ST6GALNAC5: variants seen among roughly 807,000 people sequenced by gnomAD.
The protein encoded by ST6GALNAC5 is ST6 N-acetylgalactosaminide alpha-2,6-sialyltransferase 5.
In ST6GALNAC5, 27 loss-of-function variants were observed where a neutral mutation model predicts 33.6. The ratio of observed to expected loss-of-function variants is 0.80; its 90% confidence interval spans 0.59 to 1.11. ST6GALNAC5 has a LOEUF of 1.11. Ranked by LOEUF, ST6GALNAC5 falls within the 50% of genes least tolerant of loss-of-function variation. ST6GALNAC5 has a pLI of 0.00. For missense variants in ST6GALNAC5, 428 were observed against 454.0 expected, an observed-to-expected ratio of 0.94 and a Z score of 0.52; for synonymous variants, 194 against 171.2, an observed-to-expected ratio of 1.13 and a Z score of -1.04.
At chr1:77,033,834 C>T (rs1651551968) in intron 2 of ST6GALNAC5, among the ~76,000 whole-genome samples, 1 of 152,042 alleles carries the variant, frequency 6.6e-6, no homozygotes, top group South Asian at 2.1e-4. Flanking sequence ...TGAGTGAGGG[C>T]CATGAGGCAG....
intron 2 of ST6GALNAC5, among the ~76,000 whole-genome samples, chr1:76,977,677 G>A (rs1292643264): frequency 1.3e-5 from 2 of 152,130 alleles, no homozygotes; most frequent in Admixed American, 6.6e-5. Context: ...GCATTCCATT[G>A]TAAACTATTC....
chr1:76,935,655 T>C (rs1049840483), intron 2 of ST6GALNAC5, among the ~76,000 whole-genome samples: 1 of 151,980 alleles, frequency 6.6e-6, no homozygotes, highest in African/African-American at 2.4e-5. Flanking sequence ...AAGGGGAAAT[T>C]GCCCAGTTTT....
chr1:76,918,463 C>G (rs933008923), intron 2 of ST6GALNAC5, among the ~76,000 whole-genome samples: 1 of 151,686 alleles, frequency 6.6e-6, no homozygotes, highest in African/African-American at 2.4e-5. Flanking sequence ...AATAAAAATA[C>G]AAAAATTAGC....
intron 2 of ST6GALNAC5, among the ~76,000 whole-genome samples, chr1:77,033,794 G>A (rs575577471): frequency 3.3e-4 from 51 of 152,286 alleles, no homozygotes; most frequent in Non-Finnish European, 5.1e-4. Context: ...CAGCCAGGCC[G>A]GAGAATAGAG....
chr1:77,003,217 G>C (rs1157868448), intron 2 of ST6GALNAC5, among the ~76,000 whole-genome samples: 1 of 54,980 alleles, frequency 1.8e-5, no homozygotes, highest in African/African-American at 4.5e-5. Flanking sequence ...AGCTCTTCTT[G>C]TTGAATTGAT....
intron 2 of ST6GALNAC5, among the ~76,000 whole-genome samples, chr1:77,010,401 A>T: frequency 6.6e-6 from 1 of 152,200 alleles, no homozygotes; most frequent in East Asian, 1.9e-4. Flanking sequence ...GGGCTGAGGC[A>T]GGAGAATTGC....
rs1395826438 is a variant in ST6GALNAC5, at chr1:76,998,963, A to AT, written c.262-45235dup. On this transcript the variant is annotated intron_variant, in intron 2 of 4. Coordinates refer to ENST00000477717, the MANE Select transcript of ST6GALNAC5 (RefSeq NM_030965.3). ...TATTTTAGAATCATTTCCATGCAAC[A>AT]TTTTTTCATTATTACTAAGATCTGG... 5.3e-5 allele frequency among the ~76,000 whole-genome samples: 8 copies of AT among 152,250 alleles called. No individual in the cohort carries two copies. The East Asian group carries it at 1.4e-3, about 26-fold the overall frequency.
At chr1:77,018,952 G>A (rs982030929) in intron 2 of ST6GALNAC5, among the ~76,000 whole-genome samples, 5 of 152,186 alleles carry the variant, frequency 3.3e-5, no homozygotes, top group Admixed American at 2.6e-4. Flanking sequence ...AGAGACAGGG[G>A]CTGAGAAGGG....
chr1:77,044,572 G>C lies in ST6GALNAC5; in HGVS notation c.630G>C (p.Leu210=), dbSNP rs757437403. The part of the protein sequence containing the change: ...KAFMITRHKM[L]QFDELFKQET... The stretch of plus-strand genomic sequence containing the variant: ...TCATGATTACTCGCCACAAGATGCT[G>C]CAGTTTGATGAGCTCTTCAAGCAGG... Residue 210 remains leucine (L), a synonymous_variant, in exon 3 of 5, where the codon CTG becomes CTC. Coordinates refer to ENST00000477717, the MANE Select transcript of ST6GALNAC5 (RefSeq NM_030965.3). 1 of 1,581,928 alleles carries C rather than the reference G, an allele frequency of 6.3e-7. No individual in the cohort carries two copies. The highest frequency in any genetic ancestry group is 8.6e-7 in the Non-Finnish European group (1 of 1,161,980).
At chr1:76,877,066 A>G (rs1242904887) in intron 2 of ST6GALNAC5, among the ~76,000 whole-genome samples, 2 of 152,210 alleles carry the variant, frequency 1.3e-5, no homozygotes, top group Admixed American at 6.5e-5. Context: ...ATGGGCCAGA[A>G]AACACTCAGT....
chr1:77,065,464 A>G lies in ST6GALNAC5; in HGVS notation c.*2258A>G, dbSNP rs1340388306. 2.6e-5 allele frequency: 4 copies of G among 152,220 alleles called. No homozygotes were observed. Among genetic ancestry groups the G allele is most frequent in the African/African-American group, 7.2e-5 (3 of 41,456 alleles). 9.4% of individuals were successfully genotyped at this position (152,220 alleles called of 1,614,324 possible). On this transcript the variant is annotated 3_prime_UTR_variant, in exon 5 of 5. Coordinates refer to ENST00000477717, the MANE Select transcript of ST6GALNAC5 (RefSeq NM_030965.3). ...CAGAAAATCATGGCTTCACTGGGAA[A>G]TGTTTTAAATCTACATGTAGCTAGG...
At chr1:76,901,975 AT>A (rs1253369277) in intron 2 of ST6GALNAC5, among the ~76,000 whole-genome samples, 1 of 152,050 alleles carries the variant, frequency 6.6e-6, no homozygotes, top group Non-Finnish European at 1.5e-5. Flanking sequence ...CCTTTTACAT[AT>A]TTTTCCTCTG....
At position 77,063,281 on chromosome 1, in the gene ST6GALNAC5, C is replaced by T. The variant is rs968637552; in HGVS notation, c.*75C>T. Reference sequence around the variant, plus strand: ...CGAGACACTGAACTTCCTGAGCCACCAGACAGGAAAGGGTAGCAGAAAACA... The same window carrying T: ...CGAGACACTGAACTTCCTGAGCCACTAGACAGGAAAGGGTAGCAGAAAACA... On this transcript the variant is annotated 3_prime_UTR_variant, in exon 5 of 5. Transcript: ENST00000477717. The T allele has an allele frequency of 9.5e-6, 13 of 1,373,638 alleles. No homozygotes were observed. Among genetic ancestry groups the T allele is most frequent in the Non-Finnish European group, 1.3e-5 (13 of 979,224 alleles). 85.1% of individuals were successfully genotyped at this position (1,373,638 alleles called of 1,614,324 possible). A position where few individuals can be genotyped will look rare whatever the true frequency, so the allele number is the denominator to read the frequency against.
intron 4 of ST6GALNAC5, among the ~76,000 whole-genome samples, chr1:77,054,221 C>G (rs534978286): frequency 1.1e-4 from 17 of 152,278 alleles, no homozygotes; most frequent in Non-Finnish European, 1.6e-4. Context: ...AGAAGATGTT[C>G]ACTCTCTGCC....
rs749726000 is a variant in ST6GALNAC5 at position 77,044,354 on chromosome 1, C to T, written c.412C>T (p.Arg138Cys). The change falls in exon 3 of 5, where the codon CGC (arginine) becomes TGC (cysteine). Residue 138 changes from arginine to cysteine, a missense_variant. Coordinates refer to ENST00000477717, the MANE Select transcript of ST6GALNAC5 (RefSeq NM_030965.3). The part of the protein sequence containing the change: ...TRGYGRDVGN[R>C]TSLRVIAHSS... ...CGGCTATGGGCGTGACGTGGGCAAT[C>T]GCACCAGCCTGAGGGTCATCGCGCA... 9 of 1,613,832 alleles carry T rather than the reference C, an allele frequency of 5.6e-6. No individual in the cohort carries two copies. Among genetic ancestry groups the T allele is most frequent in the African/African-American group, 1.3e-5 (1 of 74,934 alleles).
intron 2 of ST6GALNAC5, among the ~76,000 whole-genome samples, chr1:76,901,013 T>C (rs749078897): frequency 2.0e-5 from 3 of 152,206 alleles, no homozygotes; most frequent in Non-Finnish European, 2.9e-5. Context: ...TAAGTAAATA[T>C]TTTATATAGT....
At chr1:76,923,699 A>G (rs1272557329) in intron 2 of ST6GALNAC5, among the ~76,000 whole-genome samples, 1 of 152,120 alleles carries the variant, frequency 6.6e-6, no homozygotes, top group African/African-American at 2.4e-5. Context: ...TCTCAAAGAA[A>G]CAAAACAAAA....
At chr1:76,886,241 T>G (rs768603172) in intron 2 of ST6GALNAC5, among the ~76,000 whole-genome samples, 13 of 152,250 alleles carry the variant, frequency 8.5e-5, no homozygotes, top group Admixed American at 1.3e-4. Flanking sequence ...TCTAGTTTTA[T>G]AAAACATTTT....
At chr1:77,061,568 C>T (rs1343492998) in intron 4 of ST6GALNAC5, among the ~76,000 whole-genome samples, 1 of 152,170 alleles carries the variant, frequency 6.6e-6, no homozygotes, top group East Asian at 1.9e-4. Context: ...TGCTGGGAAG[C>T]CTGGGCCTTT....
Sources: allele counts gnomAD v4.1 joint callset (sites outside exome capture counted in the v4.1 genomes callset), GRCh38; gene constraint gnomAD v4.1.1; transcripts MANE v1.5; gene names NCBI Gene and HGNC (gene_info 2026-07-23, HGNC 2026-07-21).